EVI5: variants seen among roughly 807,000 people sequenced by gnomAD.
The protein encoded by EVI5 is ecotropic viral integration site 5 protein homolog.
EVI5 carries 73 observed loss-of-function variants against 112.0 expected under a neutral mutation model. That is an observed-to-expected ratio of 0.65 (90% CI 0.54 to 0.79). The LOEUF is 0.79. Ranked by LOEUF, EVI5 falls within the 30% of genes least tolerant of loss-of-function variation. EVI5 has a pLI of 0.00. For missense variants in EVI5, 900 were observed against 968.8 expected (o/e 0.93, Z 0.94); for synonymous variants, 305 against 319.9 (o/e 0.95, Z 0.50).
chr1:92,754,933 A>G (rs1011124647), intron 1 of EVI5, among the ~76,000 whole-genome samples: 3 of 152,224 alleles, frequency 2.0e-5, no homozygotes, highest in Non-Finnish European at 4.4e-5. Context: ...ATGAAAATGT[A>G]AAAGGGCATG....
intron 19 of EVI5, among the ~76,000 whole-genome samples, chr1:92,538,753 G>A (rs987108008): frequency 2.0e-5 from 3 of 152,208 alleles, no homozygotes; most frequent in Non-Finnish European, 2.9e-5. Flanking sequence ...GATGATGTTC[G>A]AGTTGGGTCT....
intron 1 of EVI5, among the ~76,000 whole-genome samples, chr1:92,755,318 G>A (rs1680790159): frequency 6.6e-6 from 1 of 152,078 alleles, no homozygotes; most frequent in Non-Finnish European, 1.5e-5. Context: ...GGCTGAAGCA[G>A]GAGAATCACT....
At chr1:92,589,683 C>G (rs2101228294) in intron 18 of EVI5, among the ~76,000 whole-genome samples, 1 of 152,340 alleles carries the variant, frequency 6.6e-6, no homozygotes, top group South Asian at 2.1e-4. Flanking sequence ...GACTCCACCT[C>G]TGGGGGCAGG....
At chr1:92,638,061 C>T (rs759974799) in intron 13 of EVI5, among the ~76,000 whole-genome samples, 2 of 152,114 alleles carry the variant, frequency 1.3e-5, no homozygotes, top group African/African-American at 2.4e-5. Context: ...ACAGTTATTT[C>T]GTGGGTACTG....
intron 10 of EVI5, among the ~76,000 whole-genome samples, chr1:92,667,862 G>A (rs1312044970): frequency 3.3e-5 from 5 of 152,090 alleles, no homozygotes; most frequent in South Asian, 2.1e-4. Flanking sequence ...TGATCCGCCC[G>A]CCTCAGCCTC....
At chr1:92,752,457 G>A (rs887907835) in intron 1 of EVI5, among the ~76,000 whole-genome samples, 1 of 152,172 alleles carries the variant, frequency 6.6e-6, no homozygotes, top group African/African-American at 2.4e-5. Flanking sequence ...TTACAGGCGT[G>A]AGCCACTCAC....
intron 5 of EVI5, among the ~76,000 whole-genome samples, chr1:92,700,162 T>C (rs149301368): frequency 3.3e-4 from 50 of 152,342 alleles, no homozygotes; most frequent in African/African-American, 1.0e-3. Flanking sequence ...ATCAAGACAC[T>C]TGAGTCCTAG....
chr1:92,628,087 C>G (rs775700156), intron 14 of EVI5, among the ~76,000 whole-genome samples: 21 of 152,124 alleles, frequency 1.4e-4, no homozygotes, highest in Non-Finnish European at 2.6e-4. Context: ...CGCACCCAGC[C>G]GATGTTTAGT....
At chr1:92,633,757 A>T (rs62171439) in intron 14 of EVI5, among the ~76,000 whole-genome samples, 6 of 151,986 alleles carry the variant, frequency 3.9e-5, no homozygotes, top group Non-Finnish European at 8.8e-5. Context: ...CGTTAGTGGA[A>T]GCAGTTTCTT....
At chr1:92,598,522 T>A (rs962714681) in intron 18 of EVI5, among the ~76,000 whole-genome samples, 10 of 152,142 alleles carry the variant, frequency 6.6e-5, no homozygotes, top group African/African-American at 2.4e-4. Context: ...GAGAAAGTCA[T>A]GGAGGTATTA....
chr1:92,682,545 T>A (rs1328257738), intron 9 of EVI5, among the ~76,000 whole-genome samples: 1 of 152,108 alleles, frequency 6.6e-6, no homozygotes, highest in Non-Finnish European at 1.5e-5. Context: ...GTGGATCACC[T>A]GAGGTCAGGA....
chr1:92,618,733 T>G (rs1201686735), intron 16 of EVI5, among the ~76,000 whole-genome samples: 1 of 152,206 alleles, frequency 6.6e-6, no homozygotes, highest in Non-Finnish European at 1.5e-5. Flanking sequence ...AGGTTAGTCA[T>G]TAATACCAGA....
upstream of EVI5, among the ~76,000 whole-genome samples, chr1:92,787,753 AGAG>A (rs1037629252): frequency 2.6e-5 from 4 of 150,988 alleles, no homozygotes; most frequent in African/African-American, 9.8e-5. Flanking sequence ...AAAAAAAAAA[AGAG>A]AGAGAAAGAG....
intron 19 of EVI5, among the ~76,000 whole-genome samples, chr1:92,514,959 T>A (rs1242053996): frequency 6.6e-6 from 1 of 152,230 alleles, no homozygotes; most frequent in African/African-American, 2.4e-5. Flanking sequence ...GGGAGAGGAA[T>A]GCTGCTTCCC....
At chr1:92,760,577 CA>C (rs1057423035) in intron 1 of EVI5, among the ~76,000 whole-genome samples, 36 of 151,436 alleles carry the variant, frequency 2.4e-4, no homozygotes, top group African/African-American at 8.7e-4. Context: ...ACTAAAAATA[CA>C]AAAAAATTAG....
chr1:92,638,860 G>A lies in EVI5; in HGVS notation c.1393-2524C>T, dbSNP rs74102949. On this transcript the variant is annotated intron_variant, in intron 13 of 19. Coordinates refer to ENST00000684568, the MANE Select transcript of EVI5 (RefSeq NM_001350197.2). ...TTAATATATTGTTTTAATATATACTGTTCTAAAAATTAATTATATAATATT... is the reference window on the plus strand; with the variant it reads ...TTAATATATTGTTTTAATATATACTATTCTAAAAATTAATTATATAATATT... Among the ~76,000 whole-genome samples the A allele has an allele frequency of 8.4e-3, 1,272 of 151,906 alleles. 18 individuals carry two copies. The highest frequency in any genetic ancestry group is 0.029 in the African/African-American group (1,220 of 41,474).
chr1:92,606,203 C>T (rs1650339904), intron 17 of EVI5, among the ~76,000 whole-genome samples: 1 of 152,136 alleles, frequency 6.6e-6, no homozygotes, highest in Non-Finnish European at 1.5e-5. Context: ...AATCTGAGCC[C>T]ATTACTTAGA....
At chr1:92,624,037 TCA>T in intron 16 of EVI5, 137 bp downstream of exon 16, 1 of 673,622 alleles carries the variant, frequency 1.5e-6, no homozygotes, top group Non-Finnish European at 2.5e-6. Flanking sequence ...TTTGCCATCT[TCA>T]TTTGGGCTAG....
intron 19 of EVI5, among the ~76,000 whole-genome samples, chr1:92,523,858 G>A (rs779649120): frequency 1.6e-4 from 24 of 152,234 alleles, no homozygotes; most frequent in Non-Finnish European, 1.5e-4. Context: ...GGCCGAGGCT[G>A]GTGGATCACT....
Sources: allele counts gnomAD v4.1 joint callset (sites outside exome capture counted in the v4.1 genomes callset), GRCh38; gene constraint gnomAD v4.1.1; transcripts MANE v1.5; gene names NCBI Gene and HGNC (gene_info 2026-07-23, HGNC 2026-07-21).